Variants in NEK11 observed in about 807,000 individuals in gnomAD.
NEK11 encodes NIMA related kinase 11.
NEK11 carries 72 observed loss-of-function variants against 80.7 expected under a neutral mutation model. The ratio of observed to expected loss-of-function variants is 0.89; its 90% CI spans 0.74 to 1.08. The LOEUF (loss-of-function observed/expected upper bound fraction) is 1.08, where lower values mean the gene tolerates loss of function less well. Among genes scored for constraint, NEK11 ranks in the 50% least tolerant of loss-of-function variants. NEK11 has a pLI of 0.00. For missense variants in NEK11, 764 were observed against 763.6 expected (o/e 1.00, Z -0.01); for synonymous variants, 251 against 260.7 (o/e 0.96, Z 0.36).
chr3:131,131,104 C>T (rs2084376722), intron 5 of NEK11, among the ~76,000 whole-genome samples: 1 of 152,156 alleles, frequency 6.6e-6, no homozygotes, highest in African/African-American at 2.4e-5. Flanking sequence ...GCCTGGCCTA[C>T]AATGTTGGAT....
intron 3 of NEK11, among the ~76,000 whole-genome samples, chr3:131,075,429 T>C (rs1046139334): frequency 1.3e-5 from 2 of 152,192 alleles, no homozygotes; most frequent in African/African-American, 4.8e-5. Context: ...CCCTACCAGC[T>C]ATTCCTTTAT....
chr3:131,291,902 A>C (rs1213294969), intron 17 of NEK11, among the ~76,000 whole-genome samples: 1 of 152,156 alleles, frequency 6.6e-6, no homozygotes, highest in African/African-American at 2.4e-5. Context: ...TTGTCTTCTC[A>C]TTCTCTTGAC....
At chr3:131,219,093 T>C (rs2094934966) in intron 14 of NEK11, among the ~76,000 whole-genome samples, 1 of 152,138 alleles carries the variant, frequency 6.6e-6, no homozygotes, top group Non-Finnish European at 1.5e-5. Context: ...CACATGCACA[T>C]GTATGTTTAT....
intron 4 of NEK11, among the ~76,000 whole-genome samples, chr3:131,087,565 C>T (rs1211787034): frequency 6.6e-6 from 1 of 152,116 alleles, no homozygotes; most frequent in Non-Finnish European, 1.5e-5. Flanking sequence ...CACTAATAGG[C>T]CTGCTAGTAA....
chr3:131,297,158 G>A (rs896851570), intron 17 of NEK11, among the ~76,000 whole-genome samples: 1 of 151,890 alleles, frequency 6.6e-6, no homozygotes, highest in Non-Finnish European at 1.5e-5. Flanking sequence ...ATGATTTATA[G>A]TCCTTTGGGT....
chr3:131,194,802 T>C (rs1488274833), intron 14 of NEK11, among the ~76,000 whole-genome samples: 4 of 152,166 alleles, frequency 2.6e-5, no homozygotes, highest in Non-Finnish European at 5.9e-5. Context: ...TTTTCTTATA[T>C]AGGAAATATA....
chr3:131,045,778 G>A (rs1055603758), intron 3 of NEK11, among the ~76,000 whole-genome samples: 2 of 151,990 alleles, frequency 1.3e-5, no homozygotes, highest in Non-Finnish European at 2.9e-5. Flanking sequence ...TTGTAAATTT[G>A]GGAGCTCCAG....
Position 131,258,454 on chromosome 3 carries a change from T to C in NEK11, c.1621+14958T>C, listed in dbSNP as rs76161505. On this transcript the variant is annotated intron_variant, in intron 16 of 17. Transcript: ENST00000383366. ...AGCAGGTTTTGTTTTTAAAGCTAAATTTCTTCATGTTGGCAGATAAGAATA... is the reference window on the plus strand; with the variant it reads ...AGCAGGTTTTGTTTTTAAAGCTAAACTTCTTCATGTTGGCAGATAAGAATA... Among the ~76,000 whole-genome samples, 367 of 152,336 alleles carry C rather than the reference T, an allele frequency of 2.4e-3. 2 individuals carry two copies. The highest frequency in any genetic ancestry group is 8.4e-3 in the African/African-American group (348 of 41,586).
intron 17 of NEK11, among the ~76,000 whole-genome samples, chr3:131,318,803 A>G (rs897208173): frequency 2.0e-5 from 3 of 151,180 alleles, no homozygotes; most frequent in Non-Finnish European, 4.4e-5. Context: ...CCAATGGCAT[A>G]TTCTATAGCC....
At chr3:131,153,991 T>A (rs2090181840) in intron 9 of NEK11, among the ~76,000 whole-genome samples, 2 of 152,096 alleles carry the variant, frequency 1.3e-5, no homozygotes, top group South Asian at 4.2e-4. Context: ...AGAAACAGTG[T>A]TTGAATCACA....
At chr3:131,249,772 TGG>T (rs985417610) in intron 16 of NEK11, among the ~76,000 whole-genome samples, 1 of 152,066 alleles carries the variant, frequency 6.6e-6, no homozygotes, top group African/African-American at 2.4e-5. Context: ...AACAAAATGG[TGG>T]GAATGAGCGC....
chr3:131,067,741 T>C (rs1406147540), intron 3 of NEK11, among the ~76,000 whole-genome samples: 1 of 152,186 alleles, frequency 6.6e-6, no homozygotes. Flanking sequence ...TGAGTATAAA[T>C]ACATTAAGGT....
chr3:131,323,795 C>G (rs1424443680), intron 17 of NEK11, among the ~76,000 whole-genome samples: 1 of 152,188 alleles, frequency 6.6e-6, no homozygotes, highest in African/African-American at 2.4e-5. Context: ...AAGTCCTCTT[C>G]TTAATGAGTG....
intron 12 of NEK11, among the ~76,000 whole-genome samples, chr3:131,168,592 G>A (rs999039437): frequency 1.3e-5 from 2 of 151,784 alleles, no homozygotes; most frequent in Non-Finnish European, 2.9e-5. Flanking sequence ...TCCTGACCTC[G>A]TGATCCGCCC....
At chr3:131,057,768 A>G (rs2069877739) in intron 3 of NEK11, among the ~76,000 whole-genome samples, 1 of 150,724 alleles carries the variant, frequency 6.6e-6, no homozygotes. Flanking sequence ...GTTTGAGTTC[A>G]TTGTAGATTC....
At chr3:131,124,459 C>A (rs1262392153) in intron 5 of NEK11, among the ~76,000 whole-genome samples, 2 of 152,102 alleles carry the variant, frequency 1.3e-5, no homozygotes, top group African/African-American at 4.8e-5. Flanking sequence ...AGTTTTGTAT[C>A]TAACTCAGCA....
intron 3 of NEK11, among the ~76,000 whole-genome samples, chr3:131,069,306 T>C (rs936763144): frequency 8.5e-5 from 13 of 152,190 alleles, no homozygotes; most frequent in Non-Finnish European, 1.6e-4. Flanking sequence ...CTTGATTTTA[T>C]TGTCATCTGA....
At chr3:131,101,493 G>C (rs2078354404) in intron 4 of NEK11, among the ~76,000 whole-genome samples, 1 of 152,182 alleles carries the variant, frequency 6.6e-6, no homozygotes, top group African/African-American at 2.4e-5. Context: ...TAACCCAGAA[G>C]TTATTCAGGA....
rs9829024 is a variant in NEK11 at position 131,200,887 on chromosome 3, G to A, written c.1400-27641G>A. ...TGCTGCGAGCAGCAGGACCTAGACC[G>A]AACCCCTGGTGTTTCGGTAACATGT... On this transcript the variant is annotated intron_variant, in intron 14 of 17. Transcript: ENST00000383366. Among the ~76,000 whole-genome samples, 1,431 of 152,258 alleles carry A rather than the reference G, an allele frequency of 9.4e-3. 8 individuals carry two copies. The highest frequency in any genetic ancestry group is 0.011 in the Non-Finnish European group (764 of 68,024).
Sources: gnomAD v4.1 joint callset for allele counts (sites outside exome capture counted in the v4.1 genomes callset) on GRCh38, gnomAD v4.1.1 for gene constraint, MANE v1.5 for transcripts, NCBI Gene and HGNC (gene_info 2026-07-23, HGNC 2026-07-21) for gene names.